The following RTTN variants were observed in gnomAD, a reference collection of about 807,000 sequenced individuals.
RTTN encodes rotatin.
A neutral mutation model predicts 269.2 loss-of-function variants in RTTN; 182 were observed. The ratio of observed to expected loss-of-function variants is 0.68; its 90% confidence interval spans 0.60 to 0.76. The LOEUF is 0.76. RTTN is among the 30% of genes least tolerant of loss of function. The pLI is 0.00. For synonymous variants in RTTN, 1,006 were observed against 963.5 expected, an observed-to-expected ratio of 1.04 and a Z score of -0.82; for missense variants, 2,545 against 2,608.6, an observed-to-expected ratio of 0.98 and a Z score of 0.53.
In RTTN at chr18:70,030,930, C is replaced by T. The variant is rs2056993701; in HGVS notation, c.5593G>A (p.Ala1865Thr). Residue 1865 changes from alanine (A) to threonine (T), a missense_variant, in exon 41 of 49, where the codon GCA becomes ACA. By Grantham distance (58) the Ala-to-Thr change is moderately conservative (BLOSUM62 0). Coordinates refer to ENST00000640769, the MANE Select transcript of RTTN (RefSeq NM_173630.4). ...CTGACAGCCAGCAGTGACATCAATG[C>T]ATTTGCAGCTACTCTTTTCAGGATA... Reference protein sequence around the residue: ...KDILKRVAANALMSLLAVSRR... With the variant: ...KDILKRVAANTLMSLLAVSRR... 6.2e-7 allele frequency: 1 copy of T among 1,613,722 alleles called. No individual in the cohort carries two copies. Among genetic ancestry groups the T allele is most frequent in the Non-Finnish European group, 8.5e-7 (1 of 1,179,884 alleles).
intron 30 of RTTN, among the ~76,000 whole-genome samples, chr18:70,091,095 T>A (rs1357779101): frequency 6.6e-6 from 1 of 152,196 alleles, no homozygotes; most frequent in Non-Finnish European, 1.5e-5. Context: ...CAGGAGGGTT[T>A]ATATCTGGAG....
At chr18:70,038,755 G>C (rs1224634751) in intron 40 of RTTN, among the ~76,000 whole-genome samples, 1 of 152,198 alleles carries the variant, frequency 6.6e-6, no homozygotes, top group Non-Finnish European at 1.5e-5. Context: ...ACCAAGCGTG[G>C]AGAAACAAGA....
chr18:70,190,605 G>A lies in RTTN; in HGVS notation c.1122C>T (p.Phe374=). The change falls in exon 9 of 49, where the codon TTC becomes TTT. Residue 374 remains phenylalanine (F), a synonymous_variant. Coordinates refer to ENST00000640769, the MANE Select transcript of RTTN (RefSeq NM_173630.4). ...AAAACTGGGGAAGACTGAGCTGCTG[G>A]AATTGTAGTTCCAATGTGTCTTCAG... ...LETEDTLELQ[F]QQLSLPQFCV... 6.2e-7 allele frequency: 1 copy of A among 1,613,858 alleles called. No homozygotes were observed. The highest frequency in any genetic ancestry group is 8.5e-7 in the Non-Finnish European group (1 of 1,179,748).
At chr18:70,091,956 T>C (rs1383664227) in intron 30 of RTTN, among the ~76,000 whole-genome samples, 154 bp downstream of exon 30, 1 of 152,094 alleles carries the variant, frequency 6.6e-6, no homozygotes, top group East Asian at 1.9e-4. Context: ...GGTTTCACTG[T>C]GTTAGCCAGG....
chr18:70,051,395 G>C lies in RTTN; in HGVS notation c.5323+16C>G, dbSNP rs751240622. The C allele has an allele frequency of 6.3e-7, 1 of 1,591,354 alleles. No homozygotes were observed. The highest frequency in any genetic ancestry group is 8.5e-7 in the Non-Finnish European group (1 of 1,173,672). ...ATTAGCAGAAAGCCCCCAAGATTAT[G>C]CAAGTATCTTCTTACCAATCGCCGC... On this transcript the variant is annotated intron_variant, in intron 39 of 48. Coordinates refer to ENST00000640769, the MANE Select transcript of RTTN (RefSeq NM_173630.4).
At chr18:70,056,878 A>G (rs767662171) in intron 37 of RTTN, among the ~76,000 whole-genome samples, 10 of 152,194 alleles carry the variant, frequency 6.6e-5, no homozygotes, top group Non-Finnish European at 1.3e-4. Context: ...CTAATTATCT[A>G]TTCTCCCAAC....
Position 70,051,552 on chromosome 18 carries a change from T to C in RTTN, c.5186-4A>G, listed in dbSNP as rs28599773. 3.9e-3 allele frequency: 6,224 copies of C among 1,586,070 alleles called. 221 individuals are homozygous for C. The African/African-American group carries it at 0.074, about 19-fold the overall frequency. Reference sequence around the variant, plus strand: ...AAAGCTGATATTAACTCTTTATCTATAAAATTAATCAAAACACTTCAAGTT... The same window carrying C: ...AAAGCTGATATTAACTCTTTATCTACAAAATTAATCAAAACACTTCAAGTT... On this transcript the variant is annotated splice_polypyrimidine_tract_variant and splice_region_variant and intron_variant, in intron 38 of 48. Coordinates refer to ENST00000640769, the MANE Select transcript of RTTN (RefSeq NM_173630.4).
intron 17 of RTTN, among the ~76,000 whole-genome samples, chr18:70,148,286 T>C (rs1158049240): frequency 6.6e-6 from 1 of 152,132 alleles, no homozygotes; most frequent in Non-Finnish European, 1.5e-5. Flanking sequence ...ATCTAACCAC[T>C]GTTACCTAAA....
chr18:70,071,397 TA>T (rs548837730), intron 34 of RTTN, among the ~76,000 whole-genome samples: 78 of 152,252 alleles, frequency 5.1e-4, no homozygotes, highest in African/African-American at 1.7e-3. Context: ...TTGATAAATT[TA>T]AAAAAATACA....
chr18:70,136,514 TACA>T (rs2060128840), intron 21 of RTTN, among the ~76,000 whole-genome samples: 1 of 151,778 alleles, frequency 6.6e-6, no homozygotes, highest in South Asian at 2.1e-4. Context: ...TAAAAAACCC[TACA>T]AGTCACTAAA....
chr18:70,126,896 A>T (rs2059878597), intron 25 of RTTN, among the ~76,000 whole-genome samples: 1 of 152,174 alleles, frequency 6.6e-6, no homozygotes, highest in Non-Finnish European at 1.5e-5. Flanking sequence ...TTAAATAATA[A>T]AGTTATACAT....
chr18:70,048,574 A>C (rs1344450276), intron 39 of RTTN, among the ~76,000 whole-genome samples: 1 of 152,114 alleles, frequency 6.6e-6, no homozygotes, highest in African/African-American at 2.4e-5. Flanking sequence ...ACATTTTATA[A>C]ACTTGAAAAA....
intron 4 of RTTN, 146 bp downstream of exon 4, chr18:70,201,748 C>T: frequency 1.8e-6 from 1 of 543,162 alleles, no homozygotes. Flanking sequence ...ATATCCTAAA[C>T]TAACTTGAAA....
At chr18:70,073,593 G>A (rs1054774966) in intron 34 of RTTN, among the ~76,000 whole-genome samples, 4 of 152,066 alleles carry the variant, frequency 2.6e-5, no homozygotes, top group Non-Finnish European at 4.4e-5. Flanking sequence ...CAACTAAAGG[G>A]ATATTCAGTG....
intron 27 of RTTN, among the ~76,000 whole-genome samples, chr18:70,113,529 C>T (rs1479199048): frequency 2.0e-5 from 3 of 152,130 alleles, no homozygotes; most frequent in Non-Finnish European, 1.5e-5. Context: ...TATGAACCAA[C>T]AATTCCACTC....
At chr18:70,166,040 A>T (rs1394807102) in intron 14 of RTTN, 22 bp downstream of exon 14, 1 of 1,612,110 alleles carries the variant, frequency 6.2e-7, no homozygotes, top group Non-Finnish European at 8.5e-7. Context: ...AAAACAAAAC[A>T]TACGAAAAAA....
chr18:70,023,134 G>A (rs2056754891), intron 44 of RTTN, among the ~76,000 whole-genome samples: 1 of 152,054 alleles, frequency 6.6e-6, no homozygotes, highest in South Asian at 2.1e-4. Flanking sequence ...GGTCGTTTGA[G>A]ACAGCCCTAA....
At chr18:70,131,003 A>T (rs1428524611) in intron 23 of RTTN, 2 of 152,046 alleles carry the variant, frequency 1.3e-5, no homozygotes, top group Non-Finnish European at 2.9e-5. Flanking sequence ...AGGAACTCCT[A>T]AGAGAATGGG....
intron 27 of RTTN, 60 bp from the exon 28 acceptor site, chr18:70,109,777 A>G: frequency 7.5e-7 from 1 of 1,337,768 alleles, no homozygotes. Context: ...TTAATGGGCT[A>G]TCTTACTGGC....
Sources: gnomAD v4.1 joint callset for allele counts (sites outside exome capture counted in the v4.1 genomes callset) on GRCh38, gnomAD v4.1.1 for gene constraint, MANE v1.5 for transcripts, NCBI Gene and HGNC (gene_info 2026-07-23, HGNC 2026-07-21) for gene names.